Variants in USP16 observed in about 807,000 individuals in gnomAD.
The protein encoded by USP16 is ubiquitin carboxyl-terminal hydrolase 16.
A neutral mutation model predicts 95.9 loss-of-function variants in USP16; 77 were observed. The observed-to-expected ratio is 0.80, with a 90% CI of 0.67 to 0.97. The LOEUF (loss-of-function observed/expected upper bound fraction) is 0.97. USP16 is among the 50% of genes least tolerant of loss of function. The pLI, the probability that USP16 is intolerant of heterozygous loss-of-function variation, is 0.00. For synonymous variants in USP16, 303 were observed against 318.2 expected (o/e 0.95, Z 0.51); for missense variants, 943 against 959.9 (o/e 0.98, Z 0.23).
rs755330725 is a variant in USP16 at position 29,043,427 on chromosome 21, G to A, written c.1184G>A (p.Gly395Asp). 5.3e-6 allele frequency: 8 copies of A among 1,513,248 alleles called. No homozygotes were observed. The African/African-American group carries it at 1.0e-4, about 19-fold the overall frequency. The allele number at this position is 1,513,248 out of a possible 1,614,324, so 93.7% of individuals were successfully genotyped here. The part of the protein sequence containing the change: ...LSLPVLDDQS[G>D]KKSVNDKNLK... ...CTATGTTATCTATATTTTAAGAGTGGTAAGAAAAGTGTAAATGATAAAAAT... is the reference window on the plus strand; with the variant it reads ...CTATGTTATCTATATTTTAAGAGTGATAAGAAAAGTGTAAATGATAAAAAT... The change falls in exon 13 of 18, where the codon GGT becomes GAT. Residue 395 changes from glycine to aspartate, a missense_variant. Physicochemically the swap from Gly to Asp is moderately conservative, Grantham distance 94 (BLOSUM62 -1). Coordinates refer to ENST00000399976, the MANE Select transcript of USP16 (RefSeq NM_006447.3).
chr21:29,032,310 C>A lies in USP16; in HGVS notation c.240+1537C>A, dbSNP rs954306284. 2.6e-5 allele frequency among the ~76,000 whole-genome samples: 4 copies of A among 152,150 alleles called. No individual in the cohort carries two copies. The South Asian group carries it at 8.3e-4, about 32-fold the overall frequency. The stretch of plus-strand genomic sequence containing the variant: ...TCAGCGGTATAATCACGGCTCACGG[C>A]AGCCTTCACCTCCCAGGCTCAAGTG... On this transcript the variant is annotated intron_variant, in intron 3 of 17. Coordinates refer to ENST00000399976, the MANE Select transcript of USP16 (RefSeq NM_006447.3).
chr21:29,041,184 G>A (rs887309517), intron 10 of USP16, among the ~76,000 whole-genome samples: 5 of 152,142 alleles, frequency 3.3e-5, no homozygotes, highest in African/African-American at 1.2e-4. Context: ...TTATTTAATT[G>A]TAATTAAATT....
chr21:29,034,107 A>G (rs2085116909), intron 3 of USP16, among the ~76,000 whole-genome samples: 1 of 152,150 alleles, frequency 6.6e-6, no homozygotes, highest in Non-Finnish European at 1.5e-5. Context: ...GCAATTCATA[A>G]TTTTTGAATG....
intron 2 of USP16, among the ~76,000 whole-genome samples, 170 bp from the exon 3 acceptor site, chr21:29,030,425 A>G (rs1053802065): frequency 1.3e-5 from 2 of 152,334 alleles, no homozygotes; most frequent in East Asian, 1.9e-4. Context: ...TCTTTCTCAC[A>G]TATTTATCTC....
intron 3 of USP16, among the ~76,000 whole-genome samples, chr21:29,033,592 C>T (rs1447093657): frequency 6.6e-6 from 1 of 152,176 alleles, no homozygotes; most frequent in Non-Finnish European, 1.5e-5. Flanking sequence ...TAAGCCTATA[C>T]ATCTTTTAGG....
rs146396744 is a variant in USP16 at position 29,054,106 on chromosome 21, C to T, written c.2391C>T (p.Ser797=). ...CAAAAGGGCAGTGGTTTCACATCAG[C>T]GACACACATGTGCAAGCTGTGCCTA... The part of the protein sequence containing the change: ...MESKGQWFHI[S]DTHVQAVPTT... Residue 797 remains serine (S), a synonymous_variant, in exon 18 of 18, where the codon AGC becomes AGT. Transcript: ENST00000399976. 2.2e-5 allele frequency: 35 copies of T among 1,614,086 alleles called. No homozygotes were observed. Among genetic ancestry groups the T allele is most frequent in the Middle Eastern group, 1.6e-4 (1 of 6,084 alleles).
At chr21:29,037,082 T>C (rs946488092) in intron 5 of USP16, among the ~76,000 whole-genome samples, 194 bp from the exon 6 acceptor site, 7 of 152,210 alleles carry the variant, frequency 4.6e-5, no homozygotes, top group African/African-American at 1.7e-4. Flanking sequence ...GGTCTGAGTA[T>C]TTTTTGTTTA....
intron 1 of USP16, among the ~76,000 whole-genome samples, 185 bp from the exon 2 acceptor site, chr21:29,027,688 G>A (rs890571167): frequency 1.3e-5 from 2 of 152,298 alleles, no homozygotes; most frequent in Middle Eastern, 3.4e-3. Context: ...TATGAAAAAC[G>A]GGAGATAACT....
rs375052643 is a variant in USP16 at position 29,043,753 on chromosome 21, C to T, written c.1356+154C>T. ...AATTTAGCTCATTTAGTATTCTCTG[C>T]AGGGAAATTGCTTTGAGTATATGTG... On this transcript the variant is annotated intron_variant, in intron 13 of 17. Coordinates refer to ENST00000399976, the MANE Select transcript of USP16 (RefSeq NM_006447.3). Among the ~76,000 whole-genome samples, 8 of 152,252 alleles carry T rather than the reference C, an allele frequency of 5.3e-5. No individual in the cohort carries two copies. In the South Asian group the frequency reaches 1.7e-3, roughly 32 times the overall value.
chr21:29,027,944 G>A lies in USP16; in HGVS notation c.31G>A (p.Val11Ile), dbSNP rs770424849. ...AAAGAAACGGACAAAGGGAAAAACTGTTCCAATCGATGATTCCTCTGAAAC... is the reference window on the plus strand; with the variant it reads ...AAAGAAACGGACAAAGGGAAAAACTATTCCAATCGATGATTCCTCTGAAAC... MGKKRTKGKT[V>I]PIDDSSETLE... is the part of the protein sequence containing the mutation. Residue 11 changes from valine (V) to isoleucine (I), a missense_variant, in exon 2 of 18, where the codon GTT (valine) becomes ATT (isoleucine). Physicochemically the swap from Val to Ile is conservative, Grantham distance 29. Transcript: ENST00000399976. 1.9e-6 allele frequency: 3 copies of A among 1,613,398 alleles called. No homozygotes were observed. Among genetic ancestry groups the A allele is most frequent in the Admixed American group, 3.3e-5 (2 of 60,000 alleles).
chr21:29,039,074 A>G lies in USP16; in HGVS notation c.781A>G (p.Met261Val). ...GCCTCCAGGCCCTCTTACTTTAGCC[A>G]TGAGCCAGTTTCTTAATGAGATGCA... ...LEPPGPLTLA[M>V]SQFLNEMQET... The change falls in exon 8 of 18, where the codon ATG (methionine) becomes GTG (valine). Residue 261 changes from methionine (M) to valine (V), a missense_variant. By Grantham distance (21) the Met-to-Val change is conservative. Transcript: ENST00000399976. The G allele has an allele frequency of 3.8e-6, 6 of 1,591,180 alleles. No homozygotes were observed. Among genetic ancestry groups the G allele is most frequent in the South Asian group, 2.3e-5 (2 of 88,300 alleles).
intron 6 of USP16, among the ~76,000 whole-genome samples, chr21:29,037,791 G>A (rs568263169): frequency 2.0e-4 from 30 of 152,140 alleles, no homozygotes; most frequent in Non-Finnish European, 3.8e-4. Flanking sequence ...TCGCCATGTT[G>A]CCTAGGCTAG....
intron 1 of USP16, among the ~76,000 whole-genome samples, chr21:29,026,927 T>A (rs757635138): frequency 2.6e-4 from 40 of 152,276 alleles, no homozygotes; most frequent in Non-Finnish European, 3.4e-4. Context: ...TATAAAGGCC[T>A]ATGAGTGCAA....
chr21:29,045,183 T>G (rs549639528), intron 13 of USP16, among the ~76,000 whole-genome samples: 1 of 152,262 alleles, frequency 6.6e-6, no homozygotes, highest in Non-Finnish European at 1.5e-5. Flanking sequence ...TTTTTATTCA[T>G]GTGTTCCTCT....
intron 3 of USP16, among the ~76,000 whole-genome samples, chr21:29,033,294 G>T (rs1378989072): frequency 1.3e-5 from 2 of 152,140 alleles, no homozygotes; most frequent in African/African-American, 4.8e-5. Context: ...AAATGATGTT[G>T]TAATTTTCAA....
intron 3 of USP16, among the ~76,000 whole-genome samples, chr21:29,033,957 C>A (rs1029987821): frequency 6.6e-6 from 1 of 152,140 alleles, no homozygotes; most frequent in African/African-American, 2.4e-5. Flanking sequence ...ATAATGTGAA[C>A]AAAATTGCAT....
intron 13 of USP16, among the ~76,000 whole-genome samples, chr21:29,046,428 G>A (rs1038598691): frequency 1.3e-5 from 2 of 152,168 alleles, no homozygotes; most frequent in African/African-American, 4.8e-5. Context: ...GATTACAGGT[G>A]TGAGCCGCCA....
At chr21:29,034,302 CTTTTT>C (rs575549987) in intron 3 of USP16, among the ~76,000 whole-genome samples, 1 of 136,350 alleles carries the variant, frequency 7.3e-6, no homozygotes, top group Admixed American at 7.3e-5. Flanking sequence ...GCATGGTTTT[CTTTTT>C]TTTTTTTTTT....
chr21:29,035,696 T>C (rs1280798867), intron 4 of USP16, among the ~76,000 whole-genome samples: 2 of 151,972 alleles, frequency 1.3e-5, no homozygotes, highest in Non-Finnish European at 2.9e-5. Context: ...ATGGCATCTT[T>C]CAATTGTAAA....
Sources: gnomAD v4.1 joint callset for allele counts (sites outside exome capture counted in the v4.1 genomes callset) on GRCh38, gnomAD v4.1.1 for gene constraint, MANE v1.5 for transcripts, NCBI Gene and HGNC (gene_info 2026-07-23, HGNC 2026-07-21) for gene names.